SEMA4A: variants seen among roughly 807,000 people sequenced by gnomAD.
SEMA4A encodes semaphorin-4A.
A neutral mutation model predicts 72.5 loss-of-function variants in SEMA4A; 52 were observed. The ratio of observed to expected loss-of-function variants is 0.72; its 90% CI spans 0.57 to 0.90. The LOEUF (loss-of-function observed/expected upper bound fraction) is 0.90. Ranked by LOEUF, SEMA4A falls within the 40% of genes least tolerant of loss-of-function variation. The pLI is 0.00. For missense variants in SEMA4A, 926 were observed against 959.7 expected, an observed-to-expected ratio of 0.96 and a Z score of 0.46; for synonymous variants, 369 against 393.1, an observed-to-expected ratio of 0.94 and a Z score of 0.73.
Position 156,168,066 on chromosome 1 carries a change from G to A in SEMA4A, c.1135-4760G>A, listed in dbSNP as rs774558443. ...CTCCTGAGTAGCTGGGATTACAGGCGTGCGCCGCCACAGCACCCAGCTAAT... is the reference window on the plus strand; with the variant it reads ...CTCCTGAGTAGCTGGGATTACAGGCATGCGCCGCCACAGCACCCAGCTAAT... On this transcript the variant is annotated intron_variant, in intron 10 of 14. Transcript: ENST00000368285. Among the ~76,000 whole-genome samples the A allele has an allele frequency of 7.2e-5, 11 of 151,812 alleles. No individual in the cohort carries two copies. In the East Asian group the frequency reaches 1.4e-3, roughly 19 times the overall value.
rs1384353929 is a variant in SEMA4A at position 156,173,003 on chromosome 1, A to T, written c.1312A>T (p.Thr438Ser). ...CAGCCATCTTGTCATGTACCTGGGA[A>T]CCAGTGAGTAAAGAGTTCCGGGACA... ...GHSHLVMYLG[T>S]TTGSLHKAVV... The change falls in exon 11 of 15, where the codon ACC becomes TCC. Residue 438 changes from threonine (T) to serine (S), a missense_variant. Physicochemically the swap from Thr to Ser is moderately conservative, Grantham distance 58. Coordinates refer to ENST00000368285, the MANE Select transcript of SEMA4A (RefSeq NM_022367.4). The T allele has an allele frequency of 1.2e-6, 2 of 1,613,902 alleles. No homozygotes were observed. Among genetic ancestry groups the T allele is most frequent in the Admixed American group, 3.3e-5 (2 of 59,980 alleles).
At chr1:156,173,602 G>C (rs572467906) in intron 11 of SEMA4A, among the ~76,000 whole-genome samples, 41 of 152,236 alleles carry the variant, frequency 2.7e-4, no homozygotes, top group African/African-American at 9.4e-4. Context: ...GGGCAGCTGT[G>C]GGTGGCGGGG....
At chr1:156,159,969 C>T (rs141102173) in intron 6 of SEMA4A, among the ~76,000 whole-genome samples, 36 of 149,100 alleles carry the variant, frequency 2.4e-4, no homozygotes, top group Middle Eastern at 3.4e-3. Context: ...CAATGCACTA[C>T]TGGACACCAA....
In SEMA4A at chr1:156,177,150, G is replaced by A; in HGVS notation, c.*153G>A. The A allele has an allele frequency of 1.4e-6, 1 of 734,142 alleles. No individual in the cohort carries two copies. The highest frequency in any genetic ancestry group is 2.4e-6 in the Non-Finnish European group (1 of 419,014). The allele number at this position is 734,142 out of a possible 1,614,324, so 45.5% of individuals were successfully genotyped here. ...TACTCTGCATCACTGATGACACTCA[G>A]CAGGGTGATGCACAGCAGTCTGCCT... On this transcript the variant is annotated 3_prime_UTR_variant, in exon 15 of 15. Transcript: ENST00000368285.
At chr1:156,158,035 C>G in intron 3 of SEMA4A, 35 bp from the exon 4 acceptor site, 1 of 1,611,348 alleles carries the variant, frequency 6.2e-7, no homozygotes, top group South Asian at 1.1e-5. Flanking sequence ...GACCTTATTT[C>G]TTTTCATCTC....
chr1:156,161,649 A>G lies in SEMA4A; in HGVS notation c.983+131A>G. On this transcript the variant is annotated intron_variant, in intron 9 of 14. Coordinates refer to ENST00000368285, the MANE Select transcript of SEMA4A (RefSeq NM_022367.4). ...GCACTTTCACATAGGAAGGCATTAA[A>G]TCGTCACCACCTCTCAGGAATTTGA... is the stretch of plus-strand genomic sequence containing the variant. 3 of 894,780 alleles carry G rather than the reference A, an allele frequency of 3.4e-6. No individual in the cohort carries two copies. The South Asian group carries it at 4.8e-5, about 14-fold the overall frequency. 55.4% of individuals were successfully genotyped at this position (894,780 alleles called of 1,614,324 possible).
In SEMA4A at chr1:156,158,241, C is replaced by T. The variant is rs762357403; in HGVS notation, c.363+109C>T. 44 of 1,305,876 alleles carry T rather than the reference C, an allele frequency of 3.4e-5. 1 individual carries two copies. Among genetic ancestry groups the T allele is most frequent in the African/African-American group, 2.9e-4 (20 of 68,706 alleles). The allele number at this position is 1,305,876 out of a possible 1,614,324, so 80.9% of individuals were successfully genotyped here. A position where few individuals can be genotyped will look rare whatever the true frequency, so the allele number is the denominator to read the frequency against. ...CGGCAGTGGAGGGCACTTGTTTGCA[C>T]GGTTATCTCCTGGATTATGTTCTAC... is the stretch of plus-strand genomic sequence containing the variant. On this transcript the variant is annotated intron_variant, in intron 4 of 14. Transcript: ENST00000368285.
chr1:156,149,719 T>C (rs1007441837), upstream of SEMA4A: 4 of 152,344 alleles, frequency 2.6e-5, no homozygotes, highest in Non-Finnish European at 4.4e-5. Context: ...GGGCCCCAGC[T>C]GACCCCCTGA....
chr1:156,174,923 C>T lies in SEMA4A; in HGVS notation c.1417C>T (p.Gln473Ter). 1 of 1,614,240 alleles carries T rather than the reference C, an allele frequency of 6.2e-7. No individual in the cohort carries two copies. The highest frequency in any genetic ancestry group is 8.5e-7 in the Non-Finnish European group (1 of 1,180,042). ...FPDPEPVRNLQLAPTQGAVFV... is the reference protein window; with the variant it reads ...FPDPEPVRNL Reference sequence around the variant, plus strand: ...TGACCCTGAACCTGTTCGCAACCTGCAGCTGGCCCCCACCCAGGTGGGAAG... The same window carrying T: ...TGACCCTGAACCTGTTCGCAACCTGTAGCTGGCCCCCACCCAGGTGGGAAG... The change falls in exon 12 of 15, where the codon CAG becomes TAG. Residue 473 changes from glutamine (Q) to a stop codon, truncating the protein, a stop_gained. Coordinates refer to ENST00000368285, the MANE Select transcript of SEMA4A (RefSeq NM_022367.4). LOFTEE classifies it high-confidence loss of function.
chr1:156,166,311 G>T (rs1038810957), intron 10 of SEMA4A, among the ~76,000 whole-genome samples: 1 of 152,106 alleles, frequency 6.6e-6, no homozygotes, highest in African/African-American at 2.4e-5. Context: ...CTAAAGTGCT[G>T]GGATTACAGG....
chr1:156,175,923 A>G (rs1023495488), intron 14 of SEMA4A, among the ~76,000 whole-genome samples: 7 of 152,158 alleles, frequency 4.6e-5, no homozygotes, highest in Non-Finnish European at 1.0e-4. Context: ...TTTGGGGTCC[A>G]GACTGGAGAT....
At chr1:156,168,177 G>T (rs1654365136) in intron 10 of SEMA4A, among the ~76,000 whole-genome samples, 1 of 151,854 alleles carries the variant, frequency 6.6e-6, no homozygotes, top group East Asian at 1.9e-4. Flanking sequence ...ACCCGCCTCG[G>T]CCTCCCAAAG....
Position 156,175,240 on chromosome 1 carries a change from A to G in SEMA4A, c.1589A>G (p.Asn530Ser), listed in dbSNP as rs761472029. 10 of 1,610,856 alleles carry G rather than the reference A, an allele frequency of 6.2e-6. No homozygotes were observed. The highest frequency in any genetic ancestry group is 8.5e-6 in the Non-Finnish European group (10 of 1,178,240). Residue 530 changes from asparagine to serine, a missense_variant, in exon 13 of 15, where the codon AAC becomes AGC. Coordinates refer to ENST00000368285, the MANE Select transcript of SEMA4A (RefSeq NM_022367.4). Reference sequence around the variant, plus strand: ...ACCTGTTGCCTCCTGTCTGCCCCCAACCTGTGAGTGCCAGTCCTGGATGGT... The same window carrying G: ...ACCTGTTGCCTCCTGTCTGCCCCCAGCCTGTGAGTGCCAGTCCTGGATGGT... ...SRTCCLLSAP[N>S]LNSWKQDMER...
Position 156,174,822 on chromosome 1 carries a change from C to T in SEMA4A, c.1316C>T (p.Thr439Ile), listed in dbSNP as rs1159883472. The T allele has an allele frequency of 3.1e-6, 5 of 1,614,188 alleles. No homozygotes were observed. The highest frequency in any genetic ancestry group is 4.2e-6 in the Non-Finnish European group (5 of 1,180,030). ...HSHLVMYLGT[T>I]TGSLHKAVVS... ...TTCCACTCTCTCTGTCTCCCCATAG[C>T]CACAGGGTCGCTCCACAAGGCTGTG... Residue 439 changes from threonine (T) to isoleucine (I), a missense_variant and splice_region_variant, in exon 12 of 15, where the codon ACC becomes ATC. By Grantham distance (89) the Thr-to-Ile change is moderately conservative. Coordinates refer to ENST00000368285, the MANE Select transcript of SEMA4A (RefSeq NM_022367.4).
At chr1:156,171,203 G>T (rs1184584419) in intron 10 of SEMA4A, among the ~76,000 whole-genome samples, 1 of 152,182 alleles carries the variant, frequency 6.6e-6, no homozygotes, top group Non-Finnish European at 1.5e-5. Flanking sequence ...CTTGTCTAAG[G>T]ACACAGCTTA....
Position 156,158,874 on chromosome 1 carries a change from C to T in SEMA4A, c.568+50C>T, listed in dbSNP as rs570415714. 31 of 1,458,560 alleles carry T rather than the reference C, an allele frequency of 2.1e-5. No individual in the cohort carries two copies. The Admixed American group carries it at 3.5e-4, about 17-fold the overall frequency. The allele number at this position is 1,458,560 out of a possible 1,614,324, so 90.4% of individuals were successfully genotyped here. A position where few individuals can be genotyped will look rare whatever the true frequency, so the allele number is the denominator to read the frequency against. On this transcript the variant is annotated intron_variant, in intron 6 of 14. Coordinates refer to ENST00000368285, the MANE Select transcript of SEMA4A (RefSeq NM_022367.4). ...TCCCAACATCTACTTTCTCCAGTCA[C>T]GCTGTGAAATATGGAATATTACAGA... is the stretch of plus-strand genomic sequence containing the variant.
At chr1:156,174,063 A>G (rs1228851191) in intron 11 of SEMA4A, among the ~76,000 whole-genome samples, 1 of 152,116 alleles carries the variant, frequency 6.6e-6, no homozygotes, top group East Asian at 1.9e-4. Context: ...ATGAGCCAAA[A>G]TTGTGCCACT....
At position 156,162,993 on chromosome 1, in the gene SEMA4A, G is replaced by C. The variant is rs267607033; in HGVS notation, c.1033G>C (p.Asp345His). The C allele has an allele frequency of 3.1e-6, 5 of 1,613,994 alleles. No individual in the cohort carries two copies. The highest frequency in any genetic ancestry group is 4.2e-6 in the Non-Finnish European group (5 of 1,180,046). Residue 345 changes from aspartate to histidine, a missense_variant, in exon 10 of 15, where the codon GAC becomes CAC. By Grantham distance (81) the Asp-to-His change is moderately conservative. Coordinates refer to ENST00000368285, the MANE Select transcript of SEMA4A (RefSeq NM_022367.4). ...TGCGGTTTGTGCCTTCTCTCTCTTG[G>C]ACATTGAACGTGTCTTTAAGGGGAA... The part of the protein sequence containing the change: ...SSAVCAFSLL[D>H]IERVFKGKYK...
chr1:156,161,617 C>CT (rs1210985754), intron 9 of SEMA4A, 99 bp downstream of exon 9: 2 of 1,273,754 alleles, frequency 1.6e-6, no homozygotes, highest in Admixed American at 2.0e-5. Flanking sequence ...GAGCCAGCAC[C>CT]TACTCAGCAC....
Sources: gnomAD v4.1 joint callset for allele counts (sites outside exome capture counted in the v4.1 genomes callset) on GRCh38, gnomAD v4.1.1 for gene constraint, MANE v1.5 for transcripts, NCBI Gene and HGNC (gene_info 2026-07-23, HGNC 2026-07-21) for gene names.